RC3H1: variants seen among roughly 807,000 people sequenced by gnomAD.
RC3H1 encodes the protein ring finger and CCCH-type domains 1.
In RC3H1, 50 loss-of-function variants were observed where a neutral mutation model predicts 138.2. The ratio of observed to expected loss-of-function variants is 0.36; its 90% CI spans 0.29 to 0.46. The LOEUF is 0.46. RC3H1 is among the 20% of genes least tolerant of loss of function. The pLI is 1.00. For missense variants in RC3H1, 1,031 were observed against 1,388.1 expected (o/e 0.74, Z 4.09); for synonymous variants, 462 against 489.1 (o/e 0.94, Z 0.73).
At chr1:174,013,744 T>C (rs2103101836) in intron 1 of RC3H1, among the ~76,000 whole-genome samples, 1 of 151,832 alleles carries the variant, frequency 6.6e-6, no homozygotes, top group South Asian at 2.1e-4. Context: ...CAATGGAATA[T>C]TATTAAGCAG....
At position 174,010,143 on chromosome 1, in the gene RC3H1, A is replaced by T. The variant is rs898194844; in HGVS notation, c.-151+11953T>A. 1.3e-4 allele frequency among the ~76,000 whole-genome samples: 18 copies of T among 139,502 alleles called. No homozygotes were observed. The East Asian group carries it at 3.5e-3, about 27-fold the overall frequency. The allele number at this position is 139,502 out of a possible 152,430, so 91.5% of individuals were successfully genotyped here. The stretch of plus-strand genomic sequence containing the variant: ...GATGTCCTCACTTTTATCTTCCATT[A>T]AAAAAAAAATCTTCCATAAATATAC... On this transcript the variant is annotated intron_variant, in intron 1 of 19. Coordinates refer to ENST00000367696, the MANE Select transcript of RC3H1 (RefSeq NM_172071.4).
At chr1:174,001,371 T>C (rs746198135) in intron 1 of RC3H1, among the ~76,000 whole-genome samples, 6 of 152,220 alleles carry the variant, frequency 3.9e-5, no homozygotes, top group Non-Finnish European at 7.3e-5. Flanking sequence ...TGTGCTACAC[T>C]AAAGAGGGCA....
At chr1:173,992,443 C>CG (rs1423231504) in intron 2 of RC3H1, among the ~76,000 whole-genome samples, 3 of 152,070 alleles carry the variant, frequency 2.0e-5, no homozygotes, top group African/African-American at 7.2e-5. Context: ...CCACCACACC[C>CG]GGCCTTAGGT....
At position 173,947,412 on chromosome 1, in the gene RC3H1, A is replaced by G; in HGVS notation, c.2694T>C (p.Ala898=). ...TTGTAGGAGCTCCCTGAGGTGCCATAGCCTGCATTGGACCAGCACCCTGAT... is the reference window on the plus strand; with the variant it reads ...TTGTAGGAGCTCCCTGAGGTGCCATGGCCTGCATTGGACCAGCACCCTGAT... ...TIYQGAGPMQ[A]MAPQGAPTKS... is the part of the protein sequence containing the mutation. Residue 898 remains alanine, a synonymous_variant, in exon 15 of 20, where the codon GCT becomes GCC. Coordinates refer to ENST00000367696, the MANE Select transcript of RC3H1 (RefSeq NM_172071.4). 6.2e-7 allele frequency: 1 copy of G among 1,614,106 alleles called. No individual in the cohort carries two copies.
intron 1 of RC3H1, among the ~76,000 whole-genome samples, chr1:174,014,222 T>C (rs1661818639): frequency 6.6e-6 from 1 of 152,242 alleles, no homozygotes; most frequent in African/African-American, 2.4e-5. Flanking sequence ...GGACTTTAGT[T>C]AATAATGTAT....
intron 1 of RC3H1, among the ~76,000 whole-genome samples, 151 bp from the exon 2 acceptor site, chr1:173,993,286 C>A (rs773980848): frequency 1.1e-4 from 17 of 151,020 alleles, no homozygotes; most frequent in Non-Finnish European, 2.4e-4. Context: ...AGAATTAGAG[C>A]CATGATAGAA....
At chr1:173,961,043 C>G (rs1356519369) in intron 13 of RC3H1, 34 bp downstream of exon 13, 1 of 1,592,430 alleles carries the variant, frequency 6.3e-7, no homozygotes, top group Non-Finnish European at 8.6e-7. Context: ...CACAAAAAAA[C>G]ACGGATAAAT....
intron 2 of RC3H1, among the ~76,000 whole-genome samples, chr1:173,992,303 C>A (rs184621003): frequency 6.6e-6 from 1 of 152,096 alleles, no homozygotes; most frequent in Non-Finnish European, 1.5e-5. Flanking sequence ...CACCACCACA[C>A]CCAGCTCATT....
chr1:173,960,413 T>G (rs1260011159), intron 13 of RC3H1, among the ~76,000 whole-genome samples: 1 of 152,192 alleles, frequency 6.6e-6, no homozygotes, highest in Non-Finnish European at 1.5e-5. Context: ...TTTTAATAAT[T>G]TTATTTAATC....
chr1:173,977,062 A>G (rs1183342522), intron 7 of RC3H1, among the ~76,000 whole-genome samples: 1 of 151,908 alleles, frequency 6.6e-6, no homozygotes, highest in Non-Finnish European at 1.5e-5. Flanking sequence ...AGCTGGGACT[A>G]CAGGCGCCCG....
chr1:173,995,594 T>G (rs1661441219), intron 1 of RC3H1, among the ~76,000 whole-genome samples: 1 of 151,890 alleles, frequency 6.6e-6, no homozygotes, highest in Non-Finnish European at 1.5e-5. Context: ...CACAGGATCT[T>G]CTAACTTATA....
intron 17 of RC3H1, among the ~76,000 whole-genome samples, chr1:173,945,773 T>C (rs1659108606): frequency 6.6e-6 from 1 of 151,734 alleles, no homozygotes; most frequent in Non-Finnish European, 1.5e-5. Flanking sequence ...AATGGCGCAA[T>C]CTTGGCTCAC....
intron 13 of RC3H1, among the ~76,000 whole-genome samples, chr1:173,952,958 A>G (rs1334638962): frequency 6.7e-6 from 1 of 149,908 alleles, no homozygotes; most frequent in African/African-American, 2.4e-5. Flanking sequence ...TCATTTTATC[A>G]CAAGACATAC....
chr1:174,017,662 G>A (rs765853536), intron 1 of RC3H1, among the ~76,000 whole-genome samples: 1 of 151,738 alleles, frequency 6.6e-6, no homozygotes, highest in Non-Finnish European at 1.5e-5. Flanking sequence ...CATTGTGAAT[G>A]TATAAAGTGC....
intron 2 of RC3H1, among the ~76,000 whole-genome samples, chr1:173,989,949 A>C: frequency 6.7e-6 from 1 of 148,948 alleles, no homozygotes; most frequent in Non-Finnish European, 1.5e-5. Context: ...GATGGTCTCG[A>C]TCTCCTGACC....
chr1:174,014,906 CAT>C (rs1177610008), intron 1 of RC3H1, among the ~76,000 whole-genome samples: 2 of 152,104 alleles, frequency 1.3e-5, no homozygotes, highest in Non-Finnish European at 2.9e-5. Context: ...AAATTACAAA[CAT>C]AATTTTCCCA....
intron 2 of RC3H1, among the ~76,000 whole-genome samples, chr1:173,988,993 G>A (rs1377776758): frequency 6.6e-6 from 1 of 152,164 alleles, no homozygotes; most frequent in Non-Finnish European, 1.5e-5. Context: ...TCTGTAGGTT[G>A]TTCTTTTTGC....
intron 10 of RC3H1, 112 bp downstream of exon 10, chr1:173,964,727 C>CA (rs1202087524): frequency 5.2e-5 from 56 of 1,076,696 alleles, no homozygotes; most frequent in African/African-American, 1.5e-4. Flanking sequence ...AAATAAAGGC[C>CA]AAAAAAAATA....
At chr1:173,967,301 C>T (rs1414519504) in intron 9 of RC3H1, among the ~76,000 whole-genome samples, 3 of 152,016 alleles carry the variant, frequency 2.0e-5, no homozygotes, top group East Asian at 3.9e-4. Flanking sequence ...GCCTGGGAGA[C>T]AGAGTAAGAC....
Sources: gnomAD v4.1 joint callset for allele counts (sites outside exome capture counted in the v4.1 genomes callset) on GRCh38, gnomAD v4.1.1 for gene constraint, MANE v1.5 for transcripts, NCBI Gene and HGNC (gene_info 2026-07-23, HGNC 2026-07-21) for gene names.